The following NDST4 variants were observed in gnomAD, a reference collection of about 807,000 sequenced individuals.
The protein encoded by NDST4 is N-deacetylase and N-sulfotransferase 4.
NDST4 carries 63 observed loss-of-function variants against 100.8 expected under a neutral mutation model. The observed-to-expected ratio is 0.62, with a 90% confidence interval of 0.51 to 0.77. The LOEUF is 0.77. Among genes scored for constraint, NDST4 ranks in the 30% least tolerant of loss-of-function variants. The pLI, the probability that NDST4 is intolerant of heterozygous loss-of-function variation, is 0.00. For missense variants in NDST4, 943 were observed against 1,018.4 expected (o/e 0.93, Z 1.01); for synonymous variants, 377 against 361.8 (o/e 1.04, Z -0.48).
chr4:114,933,924 T>G, intron 6 of NDST4, among the ~76,000 whole-genome samples: 1 of 152,142 alleles, frequency 6.6e-6, no homozygotes, highest in Non-Finnish European at 1.5e-5. Context: ...AATTACTTCA[T>G]ATTATGGAAA....
chr4:114,963,135 C>G (rs1726300851), intron 4 of NDST4, among the ~76,000 whole-genome samples: 1 of 151,838 alleles, frequency 6.6e-6, no homozygotes, highest in African/African-American at 2.4e-5. Flanking sequence ...TAAAAACTAG[C>G]CAGAAAGTGG....
chr4:114,856,365 A>G (rs897303971), intron 7 of NDST4, among the ~76,000 whole-genome samples: 1 of 152,146 alleles, frequency 6.6e-6, no homozygotes, highest in African/African-American at 2.4e-5. Flanking sequence ...CTGGCCAATA[A>G]GCAAATTTTC....
At chr4:115,084,884 C>A (rs942813082) in intron 1 of NDST4, among the ~76,000 whole-genome samples, 1 of 152,090 alleles carries the variant, frequency 6.6e-6, no homozygotes, top group Non-Finnish European at 1.5e-5. Context: ...GCCACCCCCC[C>A]CACAGTCCCT....
At chr4:115,035,803 C>T (rs538333018) in intron 2 of NDST4, among the ~76,000 whole-genome samples, 7 of 152,006 alleles carry the variant, frequency 4.6e-5, no homozygotes, top group Admixed American at 1.3e-4. Context: ...ATAGAAGTGC[C>T]ATGTTGATTT....
At chr4:114,907,254 T>C (rs564914675) in intron 6 of NDST4, among the ~76,000 whole-genome samples, 3 of 152,264 alleles carry the variant, frequency 2.0e-5, no homozygotes, top group African/African-American at 7.2e-5. Flanking sequence ...AGAAAATACA[T>C]CTGGCCCAGA....
At chr4:114,997,703 C>T (rs1727195668) in intron 2 of NDST4, among the ~76,000 whole-genome samples, 1 of 152,054 alleles carries the variant, frequency 6.6e-6, no homozygotes, top group African/African-American at 2.4e-5. Context: ...TAAACATGCA[C>T]AATGCCTTAT....
chr4:115,082,497 T>C (rs1578508764), intron 1 of NDST4, among the ~76,000 whole-genome samples: 1 of 152,156 alleles, frequency 6.6e-6, no homozygotes, highest in East Asian at 1.9e-4. Flanking sequence ...ACATTGCATA[T>C]ACGTGTGGTT....
chr4:115,106,674 A>C (rs1422904346), intron 1 of NDST4, among the ~76,000 whole-genome samples: 1 of 152,060 alleles, frequency 6.6e-6, no homozygotes, highest in Non-Finnish European at 1.5e-5. Context: ...GTTTTAAAAT[A>C]CTTTTCATTT....
At chr4:115,042,216 G>A (rs985950607) in intron 2 of NDST4, among the ~76,000 whole-genome samples, 1 of 152,020 alleles carries the variant, frequency 6.6e-6, no homozygotes, top group Non-Finnish European at 1.5e-5. Flanking sequence ...CTTGTCCCTG[G>A]ATGTGAATTA....
intron 6 of NDST4, among the ~76,000 whole-genome samples, chr4:114,922,439 G>T (rs1725308648): frequency 6.6e-6 from 1 of 152,180 alleles, no homozygotes; most frequent in Non-Finnish European, 1.5e-5. Context: ...CGGGCGAGAA[G>T]TAACACAACC....
At chr4:114,923,808 A>G (rs1725334724) in intron 6 of NDST4, among the ~76,000 whole-genome samples, 2 of 151,932 alleles carry the variant, frequency 1.3e-5, no homozygotes, top group East Asian at 1.9e-4. Context: ...AAGTTTATTT[A>G]TGCTAAAGAG....
intron 2 of NDST4, among the ~76,000 whole-genome samples, chr4:114,982,369 T>C (rs760319785): frequency 2.6e-5 from 4 of 152,148 alleles, no homozygotes; most frequent in African/African-American, 9.7e-5. Flanking sequence ...GGGGAACTTA[T>C]TGGAAACTAG....
At chr4:115,094,521 C>A (rs2126296019) in intron 1 of NDST4, among the ~76,000 whole-genome samples, 1 of 152,006 alleles carries the variant, frequency 6.6e-6, no homozygotes, top group South Asian at 2.1e-4. Flanking sequence ...ATAAACCAAG[C>A]CAGTTATCTA....
chr4:114,934,426 C>A (rs575089932), intron 6 of NDST4, among the ~76,000 whole-genome samples: 6 of 151,770 alleles, frequency 4.0e-5, no homozygotes, highest in Non-Finnish European at 7.4e-5. Flanking sequence ...TGGTGGCAGG[C>A]GCCTGTAGTC....
chr4:115,054,118 A>G (rs994257268), intron 2 of NDST4, among the ~76,000 whole-genome samples: 7 of 151,882 alleles, frequency 4.6e-5, no homozygotes, highest in Non-Finnish European at 8.8e-5. Flanking sequence ...ATATTTAATA[A>G]TAAATATTTA....
rs186266675 is a variant in NDST4, at chr4:114,977,287, A to G, written c.979-13T>C. 1,055 of 1,548,640 alleles carry G rather than the reference A, an allele frequency of 6.8e-4. 8 individuals are homozygous for G. The highest frequency in any genetic ancestry group is 8.1e-5 in the South Asian group (7 of 86,202). On this transcript the variant is annotated splice_polypyrimidine_tract_variant and intron_variant, in intron 2 of 13. Coordinates refer to ENST00000264363, the MANE Select transcript of NDST4 (RefSeq NM_022569.3). The stretch of plus-strand genomic sequence containing the variant: ...TCTCTAGTAATGCCTGAAATAAATA[A>G]GAAATTAACATGATTTTAGAAAAAT...
rs1486338022 is a variant in NDST4, at chr4:114,919,583, G to T, written c.1536+15623C>A. On this transcript the variant is annotated intron_variant, in intron 6 of 13. Coordinates refer to ENST00000264363, the MANE Select transcript of NDST4 (RefSeq NM_022569.3). ...GGTGTGGTTATAGTGTAGTAAGTGA[G>T]TAAGTGAAGGTCAGAGTGGAACTTG... Among the ~76,000 whole-genome samples, 5 of 152,182 alleles carry T rather than the reference G, an allele frequency of 3.3e-5. No homozygotes were observed. In the East Asian group the frequency reaches 7.7e-4, roughly 23 times the overall value.
At chr4:114,916,417 A>G (rs1331950504) in intron 6 of NDST4, among the ~76,000 whole-genome samples, 2 of 152,014 alleles carry the variant, frequency 1.3e-5, no homozygotes, top group East Asian at 3.9e-4. Flanking sequence ...TTTTCCATAT[A>G]TGCTTCCAGC....
intron 5 of NDST4, among the ~76,000 whole-genome samples, chr4:114,936,384 G>T (rs551030572): frequency 6.6e-6 from 1 of 152,250 alleles, no homozygotes; most frequent in South Asian, 2.1e-4. Flanking sequence ...GCTCTGGTTA[G>T]ATATATGTGT....
Sources: allele counts gnomAD v4.1 joint callset (sites outside exome capture counted in the v4.1 genomes callset), GRCh38; gene constraint gnomAD v4.1.1; transcripts MANE v1.5; gene names NCBI Gene and HGNC (gene_info 2026-07-23, HGNC 2026-07-21).